Variants in PNPLA7 observed in about 807,000 individuals in gnomAD.
PNPLA7 encodes the protein patatin like domain 7, lysophospholipase.
PNPLA7 carries 153 observed loss-of-function variants against 161.7 expected under a neutral mutation model. The observed-to-expected ratio is 0.95, with a 90% CI of 0.83 to 1.08. The LOEUF is 1.08. Ranked by LOEUF, PNPLA7 falls within the 50% of genes least tolerant of loss-of-function variation. The pLI is 0.00. For synonymous variants in PNPLA7, 809 were observed against 782.1 expected (o/e 1.03, Z -0.57); for missense variants, 1,739 against 1,856.6 (o/e 0.94, Z 1.16).
At chr9:137,502,712 C>A (rs7037786) in intron 14 of PNPLA7, among the ~76,000 whole-genome samples, 171 of 8,058 alleles carry the variant, frequency 0.021, no homozygotes, top group Non-Finnish European at 0.029. Context: ...GCGGGGGACG[C>A]GGGGGACGCG....
At chr9:137,528,043 A>G (rs1159028211) in intron 8 of PNPLA7, among the ~76,000 whole-genome samples, 11 of 152,196 alleles carry the variant, frequency 7.2e-5, no homozygotes, top group Admixed American at 7.2e-4. Context: ...AGCTGTTCAA[A>G]ATATTTCCTT....
At chr9:137,509,143 GCATGAGTGAGTTTAGCTGA>G (rs1425222766) in intron 12 of PNPLA7, 1 of 155,086 alleles carries the variant, frequency 6.4e-6, no homozygotes, top group African/African-American at 2.4e-5. Flanking sequence ...AGTTTAGCTG[GCATGAGTGAGTTTAGCTGA>G]CATGAGTGAG....
In PNPLA7 at chr9:137,503,918, GGAAGAAGAAGGAA is replaced by G. The variant is rs1564325287; in HGVS notation, c.1473+1683_1473+1695del. 9.1e-3 allele frequency among the ~76,000 whole-genome samples: 138 copies of G among 15,242 alleles called. 1 individual carries two copies. The highest frequency in any genetic ancestry group is 0.035 in the African/African-American group (113 of 3,256). The allele number at this position is 15,242 out of a possible 152,430, so 10.0% of individuals were successfully genotyped here. On this transcript the variant is annotated intron_variant, in intron 14 of 34. Transcript: ENST00000406427. Reference sequence around the variant, plus strand: ...AAGAAGAAGGAAGAAGAAAGAAGAAGGAAGAAGAAGGAAGAAGAAGAAGGAAGAATGAAGAAGA... The same window carrying G: ...AAGAAGAAGGAAGAAGAAAGAAGAAGGAAGAAGAAGGAAGAATGAAGAAGA...
rs147892280 is a variant in PNPLA7 at position 137,531,336 on chromosome 9, T to C, written c.748-8479A>G. Among the ~76,000 whole-genome samples, 137 of 152,304 alleles carry C rather than the reference T, an allele frequency of 9.0e-4. 1 individual carries two copies. The highest frequency in any genetic ancestry group is 2.9e-3 in the African/African-American group (122 of 41,574). ...GGAAAAAGAATAACAACTTAGCAGCTGTTGCTAAAAATGGCTTTTGTGTGT... is the reference window on the plus strand; with the variant it reads ...GGAAAAAGAATAACAACTTAGCAGCCGTTGCTAAAAATGGCTTTTGTGTGT... On this transcript the variant is annotated intron_variant, in intron 8 of 34. Coordinates refer to ENST00000406427, the MANE Select transcript of PNPLA7 (RefSeq NM_001098537.3).
chr9:137,541,461 C>T lies in PNPLA7; in HGVS notation c.667-739G>A, dbSNP rs916258133. The T allele has an allele frequency of 1.0e-6, 1 of 985,360 alleles. No individual in the cohort carries two copies. Among genetic ancestry groups the T allele is most frequent in the Non-Finnish European group, 1.2e-6 (1 of 829,952 alleles). 61.0% of individuals were successfully genotyped at this position (985,360 alleles called of 1,614,324 possible). A position where few individuals can be genotyped will look rare whatever the true frequency, so the allele number is the denominator to read the frequency against. Reference sequence around the variant, plus strand: ...CCCAGCAGCGCTTTTGGTCTAGAAACCCCGACAGGCAGTGCCGGAGCTGGC... The same window carrying T: ...CCCAGCAGCGCTTTTGGTCTAGAAATCCCGACAGGCAGTGCCGGAGCTGGC... On this transcript the variant is annotated intron_variant, in intron 7 of 34. Transcript: ENST00000406427. The surrounding 1 kb of genome is among the most constrained non-coding windows in gnomAD (Gnocchi z 4.4).
At chr9:137,509,844 G>T (rs1176874993) in intron 12 of PNPLA7, 5 of 408,900 alleles carry the variant, frequency 1.2e-5, no homozygotes, top group African/African-American at 2.0e-5. Context: ...TATAAAACAA[G>T]AATAGTTATA....
rs999450575 is a variant in PNPLA7, at chr9:137,499,850, G to A, written c.1757+841C>T. Reference sequence around the variant, plus strand: ...GACCTTCAGGCTTCTGACCTCTCCTGCTGCCCAACCACTCAGGCAGAAGAG... The same window carrying A: ...GACCTTCAGGCTTCTGACCTCTCCTACTGCCCAACCACTCAGGCAGAAGAG... On this transcript the variant is annotated intron_variant, in intron 16 of 34. Transcript: ENST00000406427. This position sits in a 1 kb window ranked among gnomAD's most constrained non-coding sequence, Gnocchi z 5.5. 1.3e-5 allele frequency among the ~76,000 whole-genome samples: 2 copies of A among 152,248 alleles called. No individual in the cohort carries two copies. Among genetic ancestry groups the A allele is most frequent in the Non-Finnish European group, 2.9e-5 (2 of 68,044 alleles).
Position 137,468,431 on chromosome 9 carries a change from G to C in PNPLA7, c.2883-958C>G, listed in dbSNP as rs75902094. Among the ~76,000 whole-genome samples, 548 of 152,350 alleles carry C rather than the reference G, an allele frequency of 3.6e-3. 5 individuals are homozygous for C. Among genetic ancestry groups the C allele is most frequent in the African/African-American group, 0.013 (528 of 41,566 alleles). On this transcript the variant is annotated intron_variant, in intron 25 of 34. Transcript: ENST00000406427. The surrounding 1 kb of genome is among the most constrained non-coding windows in gnomAD (Gnocchi z 4.0). ...CTTTTACAATGACCACGCTTAAAGT[G>C]TGCAGGGAGCCAAAAGGTGGCAACA...
Position 137,547,791 on chromosome 9 carries a change from C to T in PNPLA7, c.31-132G>A. 1 of 876,338 alleles carries T rather than the reference C, an allele frequency of 1.1e-6. No individual in the cohort carries two copies. The allele number at this position is 876,338 out of a possible 1,614,324, so 54.3% of individuals were successfully genotyped here. A position where few individuals can be genotyped will look rare whatever the true frequency, so the allele number is the denominator to read the frequency against. On this transcript the variant is annotated intron_variant, in intron 1 of 34. Coordinates refer to ENST00000406427, the MANE Select transcript of PNPLA7 (RefSeq NM_001098537.3). This position sits in a 1 kb window ranked among gnomAD's most constrained non-coding sequence, Gnocchi z 4.6. The stretch of plus-strand genomic sequence containing the variant: ...CTGGAGACTTCTGGGAAGAAGTGAT[C>T]TCGCCCGGGGTGCCGGGGTCCTCTG...
rs1588524117 is a variant in PNPLA7 at position 137,462,219 on chromosome 9, C to T, written c.3605G>A (p.Ser1202Asn). 1 of 1,601,088 alleles carries T rather than the reference C, an allele frequency of 6.2e-7. No individual in the cohort carries two copies. The highest frequency in any genetic ancestry group is 1.3e-5 in the African/African-American group (1 of 74,766). ...CTTGCCGAAGTCCAGGGTGCTGTAGCTGTCGATGGGGGGGCGCAGGTACTC... is the reference window on the plus strand; with the variant it reads ...CTTGCCGAAGTCCAGGGTGCTGTAGTTGTCGATGGGGGGGCGCAGGTACTC... ...YCEYLRPPID[S>N]YSTLDFGKFN... is the part of the protein sequence containing the mutation. Residue 1202 changes from serine (S) to asparagine (N), a missense_variant, in exon 31 of 35, where the codon AGC (serine) becomes AAC (asparagine). Coordinates refer to ENST00000406427, the MANE Select transcript of PNPLA7 (RefSeq NM_001098537.3).
At position 137,479,205 on chromosome 9, in the gene PNPLA7, C is replaced by T. The variant is rs1375738277; in HGVS notation, c.2614G>A (p.Ala872Thr). Residue 872 changes from alanine (A) to threonine (T), a missense_variant, in exon 24 of 35, where the codon GCC becomes ACC. By Grantham distance (58) the Ala-to-Thr change is moderately conservative. Around this residue, in one of 6 missense-constraint regions of PNPLA7, gnomAD observed 703 missense variants for 694.6 expected, o/e 1.01. Coordinates refer to ENST00000406427, the MANE Select transcript of PNPLA7 (RefSeq NM_001098537.3). ...TGCAGCAGGATCAGCTGCTTCTGGG[C>T]ACGCACAGCTGTGCTCTCCAGCATC... ...ERMLESTAVR[A>T]QKQLILLHRE... 1 of 1,556,480 alleles carries T rather than the reference C, an allele frequency of 6.4e-7. No individual in the cohort carries two copies. Among genetic ancestry groups the T allele is most frequent in the Admixed American group, 1.9e-5 (1 of 52,098 alleles).
chr9:137,461,627 G>A lies in PNPLA7; in HGVS notation c.3757-7C>T, dbSNP rs1831201364. The A allele has an allele frequency of 6.2e-7, 1 of 1,607,886 alleles. No homozygotes were observed. Among genetic ancestry groups the A allele is most frequent in the African/African-American group, 1.3e-5 (1 of 74,884 alleles). ...CGTTGGGACAGGTGAGGACCTAGGG[G>A]TGGGGTGAGGACAGCACGTTGCCTG... On this transcript the variant is annotated splice_region_variant and splice_polypyrimidine_tract_variant and intron_variant, in intron 32 of 34. Transcript: ENST00000406427.
Position 137,540,251 on chromosome 9 carries a change from C to T in PNPLA7, c.747+391G>A, listed in dbSNP as rs1367255765. 6.6e-6 allele frequency among the ~76,000 whole-genome samples: 1 copy of T among 152,226 alleles called. No individual in the cohort carries two copies. The highest frequency in any genetic ancestry group is 1.5e-5 in the Non-Finnish European group (1 of 68,052). The stretch of plus-strand genomic sequence containing the variant: ...GGGAGCCACAGAAAGACGGCGCCAG[C>T]AGGGAAGAGCCCAGCAGGACCTGCA... On this transcript the variant is annotated intron_variant, in intron 8 of 34. Transcript: ENST00000406427. This position sits in a 1 kb window ranked among gnomAD's most constrained non-coding sequence, Gnocchi z 5.1.
Position 137,462,200 on chromosome 9 carries a change from G to C in PNPLA7, c.3624C>G (p.Phe1208Leu), listed in dbSNP as rs779514030. Residue 1208 changes from phenylalanine to leucine, a missense_variant, in exon 31 of 35, where the codon TTC becomes TTG. By Grantham distance (22) the Phe-to-Leu change is conservative (BLOSUM62 0). This residue lies in a region of PNPLA7 where 703 missense variants were observed against 694.6 expected (regional missense o/e 1.01). Transcript: ENST00000406427. ...PPIDSYSTLDFGKFNEICEVG... is the reference protein window; with the variant it reads ...PPIDSYSTLDLGKFNEICEVG... Reference sequence around the variant, plus strand: ...TCACGCAGATCTCGTTGAACTTGCCGAAGTCCAGGGTGCTGTAGCTGTCGA... The same window carrying C: ...TCACGCAGATCTCGTTGAACTTGCCCAAGTCCAGGGTGCTGTAGCTGTCGA... 1.9e-6 allele frequency: 3 copies of C among 1,572,208 alleles called. No homozygotes were observed. In the South Asian group the frequency reaches 3.5e-5, roughly 18 times the overall value.
chr9:137,526,368 C>T (rs1440867576), intron 8 of PNPLA7, among the ~76,000 whole-genome samples: 1 of 152,208 alleles, frequency 6.6e-6, no homozygotes, highest in Non-Finnish European at 1.5e-5. Context: ...AGCTCCGCCT[C>T]CCGGGTTCAC....
intron 14 of PNPLA7, among the ~76,000 whole-genome samples, chr9:137,502,918 G>A (rs1833570992): frequency 6.6e-6 from 1 of 151,804 alleles, no homozygotes; most frequent in Non-Finnish European, 1.5e-5. Context: ...CTATGATGAT[G>A]GGATTTGCTT....
At chr9:137,519,497 G>C (rs1834872391) in intron 11 of PNPLA7, among the ~76,000 whole-genome samples, 1 of 152,270 alleles carries the variant, frequency 6.6e-6, no homozygotes, top group African/African-American at 2.4e-5. Context: ...GAGGAGACGG[G>C]CACACGTAAT....
rs1286948542 is a variant in PNPLA7, at chr9:137,542,753, G to T, written c.555C>A (p.His185Gln). The T allele has an allele frequency of 6.2e-7, 1 of 1,613,888 alleles. No individual in the cohort carries two copies. The highest frequency in any genetic ancestry group is 1.7e-5 in the Admixed American group (1 of 60,018). ...EKPLFLELCK[H>Q]IVFVQLQEGE... ...CTTCCTGCAGCTGCACAAAGACGAT[G>T]TGTTTGCAAAGCTCCAGGAACAGCG... The change falls in exon 7 of 35, where the codon CAC (histidine) becomes CAA (glutamine). Residue 185 changes from histidine to glutamine, a missense_variant. Around this residue, in one of 6 missense-constraint regions of PNPLA7, gnomAD observed 209 missense variants for 252.8 expected, o/e 0.83. Coordinates refer to ENST00000406427, the MANE Select transcript of PNPLA7 (RefSeq NM_001098537.3).
Position 137,523,131 on chromosome 9 carries a change from C to T in PNPLA7, c.748-274G>A, listed in dbSNP as rs1238580468. ...AGCCACCCCACCAGACCTGGGCACTCACCATGGGGAGTTCCAACCACTCCC... is the reference window on the plus strand; with the variant it reads ...AGCCACCCCACCAGACCTGGGCACTTACCATGGGGAGTTCCAACCACTCCC... On this transcript the variant is annotated intron_variant, in intron 8 of 34. Coordinates refer to ENST00000406427, the MANE Select transcript of PNPLA7 (RefSeq NM_001098537.3). This position sits in a 1 kb window ranked among gnomAD's most constrained non-coding sequence, Gnocchi z 4.4. Among the ~76,000 whole-genome samples the T allele has an allele frequency of 6.6e-6, 1 of 152,194 alleles. No individual in the cohort carries two copies. Among genetic ancestry groups the T allele is most frequent in the African/African-American group, 2.4e-5 (1 of 41,458 alleles).
Sources: allele counts gnomAD v4.1 joint callset (sites outside exome capture counted in the v4.1 genomes callset), GRCh38; gene constraint gnomAD v4.1.1; regional missense constraint gnomAD v4.1.1; non-coding constraint Gnocchi (gnomAD v3.1); transcripts MANE v1.5; gene names NCBI Gene and HGNC (gene_info 2026-07-23, HGNC 2026-07-21).